The following IL20RA variants were observed in gnomAD, a reference collection of about 807,000 sequenced individuals.
IL20RA encodes interleukin-20 receptor subunit alpha.
In IL20RA, 29 loss-of-function variants were observed where a neutral mutation model predicts 36.5. That is an observed-to-expected ratio of 0.79 (90% confidence interval 0.59 to 1.08). The LOEUF is 1.08. Ranked by LOEUF, IL20RA falls within the 50% of genes least tolerant of loss-of-function variation. The probability of loss-of-function intolerance (pLI) is 0.00; values close to 1 mark genes in which losing one functional copy is unlikely to be tolerated. For synonymous variants in IL20RA, 279 were observed against 267.1 expected (o/e 1.04, Z -0.43); for missense variants, 652 against 668.4 (o/e 0.98, Z 0.27).
At chr6:137,021,310 G>T (rs1457832492) in intron 1 of IL20RA, among the ~76,000 whole-genome samples, 2 of 152,024 alleles carry the variant, frequency 1.3e-5, no homozygotes, top group African/African-American at 2.4e-5. Context: ...TGGACTGCTT[G>T]TTCCTTTGGA....
intron 1 of IL20RA, among the ~76,000 whole-genome samples, chr6:137,022,558 T>A (rs1582830340): frequency 6.6e-6 from 1 of 152,234 alleles, no homozygotes; most frequent in South Asian, 2.1e-4. Flanking sequence ...TCTGATTCAG[T>A]CATTCAACTC....
chr6:137,010,896 A>G (rs1775469023), intron 3 of IL20RA, among the ~76,000 whole-genome samples: 1 of 152,100 alleles, frequency 6.6e-6, no homozygotes, highest in South Asian at 2.1e-4. Flanking sequence ...TCAATTTTGG[A>G]TCTGGGAGAG....
intron 1 of IL20RA, among the ~76,000 whole-genome samples, chr6:137,031,569 G>T (rs528246421): frequency 6.6e-6 from 1 of 152,332 alleles, no homozygotes; most frequent in Admixed American, 6.5e-5. Context: ...TATATCCTAG[G>T]TGTGTAGTGG....
intron 1 of IL20RA, among the ~76,000 whole-genome samples, chr6:137,031,708 T>C (rs1372364132): frequency 6.6e-6 from 1 of 152,182 alleles, no homozygotes; most frequent in African/African-American, 2.4e-5. Flanking sequence ...CAGAACTATG[T>C]CCTTCGTATA....
intron 1 of IL20RA, among the ~76,000 whole-genome samples, chr6:137,034,899 T>C (rs1484627985): frequency 1.3e-5 from 2 of 151,066 alleles, no homozygotes; most frequent in East Asian, 3.9e-4. Context: ...GAGCCGAGAT[T>C]GTGCCACTGC....
intron 5 of IL20RA, among the ~76,000 whole-genome samples, chr6:137,004,965 C>T (rs940667694): frequency 2.0e-5 from 3 of 152,184 alleles, no homozygotes; most frequent in Non-Finnish European, 2.9e-5. Context: ...TGACAAGAGA[C>T]GGTCTGAAGG....
chr6:137,005,077 G>T (rs1011802972), intron 5 of IL20RA, among the ~76,000 whole-genome samples: 35 of 152,128 alleles, frequency 2.3e-4, no homozygotes, highest in Admixed American at 7.9e-4. Flanking sequence ...ATTCATGCAG[G>T]TTCTTATATT....
At chr6:137,035,655 G>A (rs1776468180) in intron 1 of IL20RA, among the ~76,000 whole-genome samples, 1 of 152,204 alleles carries the variant, frequency 6.6e-6, no homozygotes, top group African/African-American at 2.4e-5. Context: ...TCGGGATATA[G>A]TTAAATGTTT....
At chr6:137,044,598 T>G (rs1002557309) in intron 1 of IL20RA, 43 bp downstream of exon 1, 2 of 1,215,626 alleles carry the variant, frequency 1.6e-6, no homozygotes, top group Non-Finnish European at 2.0e-6. Flanking sequence ...GGCCCCGGCC[T>G]GGAGGCATCC....
At chr6:137,033,343 T>C (rs868553646) in intron 1 of IL20RA, among the ~76,000 whole-genome samples, 2 of 152,218 alleles carry the variant, frequency 1.3e-5, no homozygotes, top group African/African-American at 2.4e-5. Context: ...AAATCTTATA[T>C]AGTTTGGATA....
chr6:137,031,286 G>T (rs535708973), intron 1 of IL20RA, among the ~76,000 whole-genome samples: 1 of 152,282 alleles, frequency 6.6e-6, no homozygotes, highest in Admixed American at 6.5e-5. Context: ...TGTTGCTGGG[G>T]CCCTGGATGA....
chr6:137,011,841 G>A (rs1775512424), intron 2 of IL20RA, among the ~76,000 whole-genome samples: 1 of 152,270 alleles, frequency 6.6e-6, no homozygotes, highest in African/African-American at 2.4e-5. Flanking sequence ...TTGAAGAACA[G>A]TTTGTCATTT....
At chr6:137,016,842 T>G in intron 2 of IL20RA, 126 bp downstream of exon 2, 1 of 884,114 alleles carries the variant, frequency 1.1e-6, no homozygotes, top group Non-Finnish European at 1.7e-6. Context: ...AAACTTAACC[T>G]GAAATATCTA....
intron 1 of IL20RA, among the ~76,000 whole-genome samples, chr6:137,043,329 G>A (rs1776770792): frequency 6.6e-6 from 1 of 152,038 alleles, no homozygotes; most frequent in Non-Finnish European, 1.5e-5. Context: ...TGAAACTCCT[G>A]ACCTCAAGCC....
chr6:137,002,474 G>T, intron 6 of IL20RA, 119 bp from the exon 7 acceptor site: 1 of 661,098 alleles, frequency 1.5e-6, no homozygotes, highest in Non-Finnish European at 2.5e-6. Flanking sequence ...ACCAACTCAT[G>T]TAAATGAAAG....
At chr6:137,017,134 T>C (rs201801293) in intron 1 of IL20RA, 31 bp from the exon 2 acceptor site, 1 of 1,602,804 alleles carries the variant, frequency 6.2e-7, no homozygotes, top group African/African-American at 1.3e-5. Flanking sequence ...AATTGAGGTC[T>C]TAGTAGCAGA....
rs780099085 is a variant in IL20RA, at chr6:137,038,205, C to CTTTTTTTTTTTTTTTTTTTTTTTTTTTT, written c.88+6435_88+6436insAAAAAAAAAAAAAAAAAAAAAAAAAAAA. 5.6e-5 allele frequency: 4 copies of CTTTTTTTTTTTTTTTTTTTTTTTTTTTT among 71,452 alleles called. 1 individual carries two copies. Among genetic ancestry groups the CTTTTTTTTTTTTTTTTTTTTTTTTTTTT allele is most frequent in the Non-Finnish European group, 1.0e-4 (4 of 39,912 alleles). The allele number at this position is 71,452 out of a possible 1,614,324, so 4.4% of individuals were successfully genotyped here. ...TTCTTTCTATAGTTCTTTTGTTCTC[C>CTTTTTTTTTTTTTTTTTTTTTTTTTTTT]TTTTTTTTTTTTTTTTTTTTTTTTT... On this transcript the variant is annotated intron_variant, in intron 1 of 6. Coordinates refer to ENST00000316649, the MANE Select transcript of IL20RA (RefSeq NM_014432.4).
chr6:137,007,432 A>G (rs568064652), intron 5 of IL20RA, among the ~76,000 whole-genome samples: 1 of 152,372 alleles, frequency 6.6e-6, no homozygotes, highest in South Asian at 2.1e-4. Context: ...ATTCCTATCC[A>G]TGGCTGGTGA....
At chr6:137,007,564 T>C (rs1443271563) in intron 5 of IL20RA, among the ~76,000 whole-genome samples, 3 of 152,190 alleles carry the variant, frequency 2.0e-5, no homozygotes, top group African/African-American at 7.2e-5. Flanking sequence ...GATGTATTTT[T>C]TTTCAATTTT....
Sources: allele counts gnomAD v4.1 joint callset (sites outside exome capture counted in the v4.1 genomes callset), GRCh38; gene constraint gnomAD v4.1.1; transcripts MANE v1.5; gene names NCBI Gene and HGNC (gene_info 2026-07-23, HGNC 2026-07-21).